Variants in SNX29 observed in about 807,000 individuals in gnomAD.
SNX29 encodes the protein sorting nexin-29.
In SNX29, 78 loss-of-function variants were observed where a neutral mutation model predicts 102.1. The observed-to-expected ratio is 0.76, with a 90% CI of 0.64 to 0.92. The LOEUF (loss-of-function observed/expected upper bound fraction) is 0.92. Ranked by LOEUF, SNX29 falls within the 40% of genes least tolerant of loss-of-function variation. The pLI, the probability that SNX29 is intolerant of heterozygous loss-of-function variation, is 0.00. For synonymous variants in SNX29, 580 were observed against 414.5 expected, an observed-to-expected ratio of 1.40 and a Z score of -4.85; for missense variants, 1,280 against 1,061.7, an observed-to-expected ratio of 1.21 and a Z score of -2.86.
intron 10 of SNX29, 148 bp downstream of exon 10, chr16:12,069,280 T>G: frequency 4.3e-6 from 3 of 692,192 alleles, no homozygotes; most frequent in Non-Finnish European, 6.9e-6. Context: ...TAGTCTTTTT[T>G]TTTGAGATGG....
chr16:12,457,001 G>A (rs540895469), intron 18 of SNX29, among the ~76,000 whole-genome samples: 3 of 152,256 alleles, frequency 2.0e-5, no homozygotes, highest in Admixed American at 6.5e-5. Context: ...TGTGATACTC[G>A]AGGCTTCCTT....
Position 12,061,528 on chromosome 16 carries a change from G to T in SNX29, c.1125G>T (p.Lys375Asn). Residue 375 changes from lysine to asparagine, a missense_variant and splice_region_variant, in exon 9 of 21, where the codon AAG becomes AAT. By Grantham distance (94) the Lys-to-Asn change is moderately conservative. Coordinates refer to ENST00000566228, the MANE Select transcript of SNX29 (RefSeq NM_032167.5). ...KHRGHSESPE[K>N]PLEGNTCLSQ... ...CTGCAGCTGTATTCTTTCACCTTAG[G>T]CCACTGGAAGGGAACACCTGCCTCT... 1 of 1,594,678 alleles carries T rather than the reference G, an allele frequency of 6.3e-7. No individual in the cohort carries two copies.
At chr16:12,272,981 G>T (rs947065768) in intron 14 of SNX29, among the ~76,000 whole-genome samples, 1 of 152,188 alleles carries the variant, frequency 6.6e-6, no homozygotes, top group South Asian at 2.1e-4. Context: ...ATTTTGGTTA[G>T]ATCAGTATTC....
intron 15 of SNX29, among the ~76,000 whole-genome samples, chr16:12,342,327 T>C (rs1452437003): frequency 1.3e-5 from 2 of 152,140 alleles, no homozygotes; most frequent in South Asian, 2.1e-4. Flanking sequence ...CTCGGTCATA[T>C]CTTCAGTGTC....
intron 20 of SNX29, among the ~76,000 whole-genome samples, chr16:12,563,594 G>C (rs1036522466): frequency 6.8e-5 from 9 of 133,178 alleles, no homozygotes; most frequent in Non-Finnish European, 1.6e-4. Flanking sequence ...AGGCCTCCAT[G>C]TCTGTATCAC....
intron 20 of SNX29, among the ~76,000 whole-genome samples, chr16:12,560,077 C>A (rs962958486): frequency 2.0e-5 from 3 of 152,118 alleles, no homozygotes; most frequent in African/African-American, 7.2e-5. Context: ...AACTACTGTC[C>A]TAACAGTGGT....
intron 11 of SNX29, among the ~76,000 whole-genome samples, chr16:12,118,313 C>CTTTTTTTTTTTTT (rs869186902): frequency 0.016 from 1,349 of 86,112 alleles, 260 homozygotes; most frequent in African/African-American, 0.058. Context: ...TACAGACCAC[C>CTTTTTTTTTTTTT]TTTTTTTTTT....
At chr16:12,134,423 G>C (rs2054585707) in intron 13 of SNX29, among the ~76,000 whole-genome samples, 1 of 152,220 alleles carries the variant, frequency 6.6e-6, no homozygotes, top group South Asian at 2.1e-4. Flanking sequence ...CAGAGTTGCT[G>C]TCATCTGAAG....
At chr16:12,555,070 G>C (rs116811827) in intron 20 of SNX29, among the ~76,000 whole-genome samples, 1 of 151,946 alleles carries the variant, frequency 6.6e-6, no homozygotes, top group Admixed American at 6.5e-5. Context: ...TGGAGTTGTG[G>C]GGAGGTGGAG....
intron 15 of SNX29, among the ~76,000 whole-genome samples, chr16:12,301,203 T>C (rs1472929736): frequency 6.6e-6 from 1 of 152,268 alleles, no homozygotes; most frequent in Non-Finnish European, 1.5e-5. Flanking sequence ...TCTATCTGTG[T>C]TGCTACCACA....
rs565409293 is a variant in SNX29 at position 12,066,158 on chromosome 16, T to C, written c.1244-2899T>C. On this transcript the variant is annotated intron_variant, in intron 9 of 20. Transcript: ENST00000566228. ...TTGCCCCAGCTGTGGATTTCCACTC[T>C]GCATGTTGAGTCCCTGTCTTTGCTT... Among the ~76,000 whole-genome samples, 5 of 152,312 alleles carry C rather than the reference T, an allele frequency of 3.3e-5. No homozygotes were observed. In the South Asian group the frequency reaches 1.0e-3, roughly 32 times the overall value.
At chr16:12,447,318 C>T (rs879770422) in intron 18 of SNX29, among the ~76,000 whole-genome samples, 1 of 152,016 alleles carries the variant, frequency 6.6e-6, no homozygotes, top group Admixed American at 6.6e-5. Flanking sequence ...TTCTGTCTTA[C>T]CTTTTTCTGC....
intron 14 of SNX29, among the ~76,000 whole-genome samples, chr16:12,238,702 G>T (rs1027365575): frequency 6.6e-6 from 1 of 152,206 alleles, no homozygotes; most frequent in Admixed American, 6.5e-5. Context: ...TAGTGTTACT[G>T]GTTCTTTGGG....
At chr16:12,528,616 C>T (rs2076850447) in intron 20 of SNX29, among the ~76,000 whole-genome samples, 1 of 152,190 alleles carries the variant, frequency 6.6e-6, no homozygotes, top group Non-Finnish European at 1.5e-5. Context: ...GGCACTGAGC[C>T]AGCATCCCCT....
At chr16:12,506,707 C>G (rs2089395958) in intron 19 of SNX29, among the ~76,000 whole-genome samples, 1 of 152,124 alleles carries the variant, frequency 6.6e-6, no homozygotes, top group Non-Finnish European at 1.5e-5. Context: ...GGGCTTAAGA[C>G]AAGTCAGGCT....
At chr16:12,457,074 C>G (rs1264895586) in intron 18 of SNX29, among the ~76,000 whole-genome samples, 1 of 152,182 alleles carries the variant, frequency 6.6e-6, no homozygotes, top group African/African-American at 2.4e-5. Context: ...ACCCCTTTAC[C>G]CTTTTCTTCT....
At chr16:12,057,802 T>A (rs28526139) in intron 8 of SNX29, among the ~76,000 whole-genome samples, 1 of 144,370 alleles carries the variant, frequency 6.9e-6, no homozygotes, top group Non-Finnish European at 1.5e-5. Context: ...TACATATACA[T>A]ATATATATAT....
At chr16:12,115,179 G>A (rs538411042) in intron 11 of SNX29, among the ~76,000 whole-genome samples, 2 of 152,168 alleles carry the variant, frequency 1.3e-5, no homozygotes, top group African/African-American at 4.8e-5. Flanking sequence ...CCCCTCCGTT[G>A]CTTTTTCCTT....
chr16:12,265,637 G>C (rs982127292), intron 14 of SNX29, among the ~76,000 whole-genome samples: 8 of 147,232 alleles, frequency 5.4e-5, no homozygotes, highest in African/African-American at 2.0e-4. Context: ...GAGGTGGGTG[G>C]ATCAATTGTG....
Sources: allele counts gnomAD v4.1 joint callset (sites outside exome capture counted in the v4.1 genomes callset), GRCh38; gene constraint gnomAD v4.1.1; transcripts MANE v1.5; gene names NCBI Gene and HGNC (gene_info 2026-07-23, HGNC 2026-07-21).